Variants in GRHL2 observed in about 807,000 individuals in gnomAD.
The protein encoded by GRHL2 is grainyhead-like protein 2 homolog.
A neutral mutation model predicts 83.8 loss-of-function variants in GRHL2; 21 were observed. The ratio of observed to expected loss-of-function variants is 0.25; its 90% CI spans 0.18 to 0.36. The LOEUF (loss-of-function observed/expected upper bound fraction) is 0.36, where lower values mean the gene tolerates loss of function less well. Ranked by LOEUF, GRHL2 falls within the 10% of genes least tolerant of loss-of-function variation. GRHL2 has a pLI of 1.00. For missense variants in GRHL2, 623 were observed against 781.8 expected, an observed-to-expected ratio of 0.80 and a Z score of 2.42; for synonymous variants, 280 against 278.9, an observed-to-expected ratio of 1.00 and a Z score of -0.04.
chr8:101,611,831 C>T (rs1187104843), intron 8 of GRHL2, among the ~76,000 whole-genome samples: 1 of 150,938 alleles, frequency 6.6e-6, no homozygotes, highest in African/African-American at 2.5e-5. Flanking sequence ...GTTCTTTCTT[C>T]ACCTTCCAGA....
intron 7 of GRHL2, among the ~76,000 whole-genome samples, chr8:101,595,904 A>T (rs1439430379): frequency 6.6e-6 from 1 of 152,078 alleles, no homozygotes; most frequent in African/African-American, 2.4e-5. Context: ...GTGGATCACG[A>T]GGTCAGGAGA....
At chr8:101,506,183 C>T (rs1004172035) in intron 1 of GRHL2, among the ~76,000 whole-genome samples, 1 of 152,196 alleles carries the variant, frequency 6.6e-6, no homozygotes, top group Non-Finnish European at 1.5e-5. Context: ...ATTGCCCAGG[C>T]TGACTTTTAT....
Position 101,666,662 on chromosome 8 carries a change from A to T in GRHL2, c.1837A>T (p.Ser613Cys). 6.2e-7 allele frequency: 1 copy of T among 1,613,562 alleles called. No individual in the cohort carries two copies. Among genetic ancestry groups the T allele is most frequent in the Non-Finnish European group, 8.5e-7 (1 of 1,179,518 alleles). Residue 613 changes from serine (S) to cysteine (C), a missense_variant, in exon 16 of 16, where the codon AGC becomes TGC. Coordinates refer to ENST00000646743, the MANE Select transcript of GRHL2 (RefSeq NM_024915.4). ...NEDTFILNME[S>C]MVEGFKVTLM... ...GGACACCTTCATCCTCAACATGGAGAGCATGGTGGAGGGCTTCAAGGTCAC... is the reference window on the plus strand; with the variant it reads ...GGACACCTTCATCCTCAACATGGAGTGCATGGTGGAGGGCTTCAAGGTCAC...
intron 11 of GRHL2, among the ~76,000 whole-genome samples, chr8:101,633,099 T>C (rs1196382909): frequency 1.3e-5 from 2 of 152,204 alleles, no homozygotes; most frequent in African/African-American, 4.8e-5. Flanking sequence ...TGATCCCAAA[T>C]ATATAACTGA....
intron 1 of GRHL2, among the ~76,000 whole-genome samples, chr8:101,525,958 T>A (rs1810794914): frequency 6.6e-6 from 1 of 152,160 alleles, no homozygotes; most frequent in African/African-American, 2.4e-5. Flanking sequence ...AGAGCAAGAC[T>A]CTGTTTCAGA....
rs961590725 is a variant in GRHL2 at position 101,650,251 on chromosome 8, A to C, written c.1698+752A>C. Among the ~76,000 whole-genome samples the C allele has an allele frequency of 3.9e-5, 6 of 152,242 alleles. No homozygotes were observed. The East Asian group carries it at 1.2e-3, about 29-fold the overall frequency. ...ATCTTGGGTTATGAAGCTAAATGTTAAACTATATGGGATAGTTCCTGTAAG... is the reference window on the plus strand; with the variant it reads ...ATCTTGGGTTATGAAGCTAAATGTTCAACTATATGGGATAGTTCCTGTAAG... On this transcript the variant is annotated intron_variant, in intron 14 of 15. Transcript: ENST00000646743.
At chr8:101,670,371 A>G (rs930038230), downstream of GRHL2, among the ~76,000 whole-genome samples, 8 of 152,216 alleles carry the variant, frequency 5.3e-5, no homozygotes, top group Admixed American at 4.6e-4. Context: ...CTCTCTGTCT[A>G]TACATGTCCA....
At chr8:101,566,594 T>TTA (rs1480317316) in intron 4 of GRHL2, among the ~76,000 whole-genome samples, 1 of 148,024 alleles carries the variant, frequency 6.8e-6, no homozygotes, top group Non-Finnish European at 1.5e-5. Context: ...AATAATATTA[T>TTA]TATATATATT....
Position 101,612,481 on chromosome 8 carries a change from TTAGATAGA to T in GRHL2, c.1099-7023_1099-7016del, listed in dbSNP as rs71574030. 8.2e-4 allele frequency among the ~76,000 whole-genome samples: 114 copies of T among 139,692 alleles called. 3 individuals are homozygous for T. The highest frequency in any genetic ancestry group is 1.6e-3 in the East Asian group (8 of 4,884). 91.6% of individuals were successfully genotyped at this position (139,692 alleles called of 152,430 possible). On this transcript the variant is annotated intron_variant, in intron 8 of 15. Coordinates refer to ENST00000646743, the MANE Select transcript of GRHL2 (RefSeq NM_024915.4). ...TTCAGAGTGTGGATGGATGGATGGA[TTAGATAGA>T]TAGATAGATAGATAGATAGATAGAT...
chr8:101,571,315 A>T (rs1811816482), intron 5 of GRHL2, among the ~76,000 whole-genome samples: 1 of 152,156 alleles, frequency 6.6e-6, no homozygotes, highest in Admixed American at 6.5e-5. Context: ...CATTCCAGGT[A>T]AAAGAGTCAT....
At chr8:101,612,520 G>GATAC (rs58026460) in intron 8 of GRHL2, among the ~76,000 whole-genome samples, 1,578 of 123,722 alleles carry the variant, frequency 0.013, 47 homozygotes, top group African/African-American at 0.023. Context: ...TAGATAGATA[G>GATAC]ATACATACAT....
At chr8:101,644,872 G>C (rs905353023) in intron 13 of GRHL2, among the ~76,000 whole-genome samples, 49 of 149,964 alleles carry the variant, frequency 3.3e-4, no homozygotes, top group Non-Finnish European at 2.1e-4. Flanking sequence ...TTTTGAGACA[G>C]GGTCTTGCTC....
At chr8:101,621,926 GA>G (rs1432796979) in intron 9 of GRHL2, among the ~76,000 whole-genome samples, 1 of 151,532 alleles carries the variant, frequency 6.6e-6, no homozygotes, top group African/African-American at 2.4e-5. Context: ...AATCTTTGAG[GA>G]AAAAAAAGTA....
rs901689404 is a variant in GRHL2, at chr8:101,573,523, C to T, written c.735-145C>T. On this transcript the variant is annotated intron_variant, in intron 5 of 15. Coordinates refer to ENST00000646743, the MANE Select transcript of GRHL2 (RefSeq NM_024915.4). ...CTAGCAATGACCTTTGATCTGGTCT[C>T]ATCTCTTTTGCCATATGCTGTGTTT... The T allele has an allele frequency of 3.0e-5, 27 of 914,658 alleles. No individual in the cohort carries two copies. The African/African-American group carries it at 3.7e-4, about 13-fold the overall frequency. 56.7% of individuals were successfully genotyped at this position (914,658 alleles called of 1,614,324 possible).
intron 1 of GRHL2, among the ~76,000 whole-genome samples, chr8:101,512,545 G>A (rs1810487012): frequency 6.6e-6 from 1 of 152,162 alleles, no homozygotes; most frequent in Admixed American, 6.5e-5. Flanking sequence ...CATGATCTCA[G>A]CTCACTGCAA....
At chr8:101,565,695 G>A (rs1392588033) in intron 4 of GRHL2, among the ~76,000 whole-genome samples, 1 of 152,150 alleles carries the variant, frequency 6.6e-6, no homozygotes. Context: ...CTCACATTTT[G>A]TTGGCTAGAA....
intron 8 of GRHL2, among the ~76,000 whole-genome samples, chr8:101,614,523 T>A (rs975618514): frequency 7.0e-6 from 1 of 143,030 alleles, no homozygotes; most frequent in Non-Finnish European, 1.5e-5. Flanking sequence ...CATTTATACA[T>A]CCTTTACATA....
rs192142146 is a variant in GRHL2 at position 101,509,840 on chromosome 8, T to C, written c.20+17051T>C. On this transcript the variant is annotated intron_variant, in intron 1 of 15. Transcript: ENST00000646743. ...TCTTCTCCTACTTTTTTTTACAAAA[T>C]GTTCTTGAAGCTGTAAATATAAGAA... Among the ~76,000 whole-genome samples, 441 of 152,278 alleles carry C rather than the reference T, an allele frequency of 2.9e-3. 2 individuals are homozygous for C. Among genetic ancestry groups the C allele is most frequent in the Middle Eastern group, 0.017 (5 of 294 alleles).
chr8:101,586,065 C>T (rs867657449), intron 7 of GRHL2, among the ~76,000 whole-genome samples: 15 of 94,350 alleles, frequency 1.6e-4, no homozygotes, highest in South Asian at 1.1e-3. Context: ...CCTCATGTTT[C>T]TTTTTTTTTT....
Sources: gnomAD v4.1 joint callset for allele counts (sites outside exome capture counted in the v4.1 genomes callset) on GRCh38, gnomAD v4.1.1 for gene constraint, MANE v1.5 for transcripts, NCBI Gene and HGNC (gene_info 2026-07-23, HGNC 2026-07-21) for gene names.